Variants in RGSL1 observed in about 807,000 individuals in gnomAD.
RGSL1 encodes regulator of G protein signaling protein-like.
Under a neutral mutation model 124.7 loss-of-function variants are expected in RGSL1, and 97 were observed. That is an observed-to-expected ratio of 0.78 (90% CI 0.66 to 0.92). RGSL1 has a LOEUF of 0.92. RGSL1 is among the 40% of genes least tolerant of loss of function. The pLI is 0.00. For missense variants in RGSL1, 1,233 were observed against 1,288.4 expected (o/e 0.96, Z 0.66); for synonymous variants, 424 against 438.1 (o/e 0.97, Z 0.40).
intron 12 of RGSL1, 112 bp from the exon 13 acceptor site, chr1:182,530,678 C>A: frequency 8.1e-7 from 1 of 1,227,172 alleles, no homozygotes; most frequent in Non-Finnish European, 1.1e-6. Context: ...TTTTACTATT[C>A]CCCAATTACC....
intron 6 of RGSL1, among the ~76,000 whole-genome samples, chr1:182,480,460 G>GTTT (rs34766284): frequency 1.4e-5 from 2 of 142,240 alleles, no homozygotes; most frequent in African/African-American, 2.6e-5. Flanking sequence ...AACATTACAA[G>GTTT]TTTTTTTTTT....
chr1:182,483,453 A>G (rs1393630704), intron 6 of RGSL1, among the ~76,000 whole-genome samples: 1 of 152,156 alleles, frequency 6.6e-6, no homozygotes, highest in African/African-American at 2.4e-5. Context: ...TAATTTTAAA[A>G]ATACATACTT....
At chr1:182,530,206 T>G in intron 11 of RGSL1, 38 bp from the exon 12 acceptor site, 2 of 1,447,604 alleles carry the variant, frequency 1.4e-6, no homozygotes, top group Non-Finnish European at 1.9e-6. Flanking sequence ...AAATGGTAGA[T>G]GAGGATTACA....
At chr1:182,453,822 G>A in intron 1 of RGSL1, 136 bp from the exon 2 acceptor site, 1 of 600,844 alleles carries the variant, frequency 1.7e-6, no homozygotes, top group Non-Finnish European at 3.0e-6. Flanking sequence ...CATGCAAATT[G>A]AATTGCATGA....
chr1:182,479,849 A>G (rs995832841), intron 6 of RGSL1, among the ~76,000 whole-genome samples: 1 of 152,216 alleles, frequency 6.6e-6, no homozygotes, highest in African/African-American at 2.4e-5. Context: ...AAATCAGATA[A>G]GATAGAATTT....
intron 9 of RGSL1, among the ~76,000 whole-genome samples, chr1:182,497,358 A>T (rs565747468): frequency 1.3e-5 from 2 of 148,204 alleles, no homozygotes; most frequent in Non-Finnish European, 3.0e-5. Flanking sequence ...CTCCTGATAT[A>T]AAAATATATA....
At chr1:182,476,431 AC>A (rs1269937540) in intron 6 of RGSL1, among the ~76,000 whole-genome samples, 1 of 152,048 alleles carries the variant, frequency 6.6e-6, no homozygotes, top group Non-Finnish European at 1.5e-5. Flanking sequence ...CTATTGGCAA[AC>A]CCTGTTGGCA....
intron 13 of RGSL1, among the ~76,000 whole-genome samples, chr1:182,531,704 A>G (rs774293830): frequency 6.6e-6 from 1 of 152,186 alleles, no homozygotes; most frequent in African/African-American, 2.4e-5. Flanking sequence ...ATAGACTACT[A>G]AAAAGATTAC....
intron 14 of RGSL1, among the ~76,000 whole-genome samples, chr1:182,535,358 T>C (rs762895634): frequency 3.9e-5 from 6 of 152,194 alleles, no homozygotes; most frequent in Non-Finnish European, 1.5e-5. Flanking sequence ...CTGATTTTCT[T>C]AAGCCAGAGT....
intron 2 of RGSL1, among the ~76,000 whole-genome samples, chr1:182,455,278 G>A (rs183707944): frequency 1.3e-5 from 2 of 152,118 alleles, no homozygotes; most frequent in East Asian, 3.9e-4. Flanking sequence ...AGGAGGAAAG[G>A]GTGCATAAAG....
chr1:182,456,997 A>C (rs1652387202), intron 2 of RGSL1, among the ~76,000 whole-genome samples: 1 of 152,090 alleles, frequency 6.6e-6, no homozygotes, highest in East Asian at 1.9e-4. Flanking sequence ...AAATATAAAA[A>C]TTAGCTAGGT....
At chr1:182,471,683 T>G (rs1653856954) in intron 4 of RGSL1, among the ~76,000 whole-genome samples, 1 of 152,088 alleles carries the variant, frequency 6.6e-6, no homozygotes, top group East Asian at 1.9e-4. Flanking sequence ...CATAAGTCCC[T>G]GCTTCACAAA....
chr1:182,498,169 T>A (rs1656069911), intron 9 of RGSL1, among the ~76,000 whole-genome samples: 1 of 151,896 alleles, frequency 6.6e-6, no homozygotes, highest in South Asian at 2.1e-4. Context: ...ATATGAACTC[T>A]TTTTTTTATT....
chr1:182,482,738 T>A (rs1052225946), intron 6 of RGSL1, among the ~76,000 whole-genome samples: 4 of 152,188 alleles, frequency 2.6e-5, no homozygotes, highest in Admixed American at 2.6e-4. Context: ...AAAAGTAGAA[T>A]CACCTTTTGA....
rs1659075496 is a variant in RGSL1, at chr1:182,530,327, C to T, written c.2209C>T (p.Gln737Ter). The T allele has an allele frequency of 2.6e-6, 4 of 1,550,822 alleles. No homozygotes were observed. The highest frequency in any genetic ancestry group is 3.5e-6 in the Non-Finnish European group (4 of 1,146,490). Residue 737 changes from glutamine (Q) to a stop codon, truncating the protein, a stop_gained, in exon 12 of 22, where the codon CAG becomes TAG. Coordinates refer to ENST00000294854, the MANE Select transcript of RGSL1 (RefSeq NM_001137669.2). LOFTEE classifies it high-confidence loss of function. ...HVTTSTLLTL[Q>*]GHVMKSIEEK... ...CACCACAAGCACACTGTTAACGCTC[C>T]AGGGACATGTTATGAAATCTATAGA...
Position 182,553,491 on chromosome 1 carries a change from G to A in RGSL1, c.3080G>A (p.Gly1027Asp). The A allele has an allele frequency of 1.3e-6, 2 of 1,552,024 alleles. No homozygotes were observed. Among genetic ancestry groups the A allele is most frequent in the South Asian group, 1.2e-5 (1 of 84,048 alleles). Residue 1027 changes from glycine to aspartate, a missense_variant, in exon 19 of 22, where the codon GGT becomes GAT. Physicochemically the swap from Gly to Asp is moderately conservative, Grantham distance 94. Coordinates refer to ENST00000294854, the MANE Select transcript of RGSL1 (RefSeq NM_001137669.2). ...ATCTTAAGGTTCACCTTGCTCAGAGGTATTGAGTGGTTGCAGCCTCAACGG... is the reference window on the plus strand; with the variant it reads ...ATCTTAAGGTTCACCTTGCTCAGAGATATTGAGTGGTTGCAGCCTCAACGG... ...NAILRFTLLR[G>D]IEWLQPQREA...
chr1:182,488,838 G>A, intron 7 of RGSL1, 142 bp from the exon 8 acceptor site: 2 of 632,108 alleles, frequency 3.2e-6, no homozygotes, highest in Admixed American at 3.1e-5. Context: ...GCATGTAAAG[G>A]AGCAATGGTT....
At chr1:182,536,133 C>T (rs1659520223) in intron 14 of RGSL1, among the ~76,000 whole-genome samples, 1 of 152,144 alleles carries the variant, frequency 6.6e-6, no homozygotes, top group South Asian at 2.1e-4. Flanking sequence ...ATATCAGTAA[C>T]TCATTCCTTT....
chr1:182,513,897 C>CTTT (rs35152167), intron 9 of RGSL1, among the ~76,000 whole-genome samples: 4 of 138,812 alleles, frequency 2.9e-5, no homozygotes, highest in Non-Finnish European at 4.6e-5. Context: ...CTCTCCCTAT[C>CTTT]TTTTTTTTTT....
Sources: allele counts gnomAD v4.1 joint callset (sites outside exome capture counted in the v4.1 genomes callset), GRCh38; gene constraint gnomAD v4.1.1; transcripts MANE v1.5; gene names NCBI Gene and HGNC (gene_info 2026-07-23, HGNC 2026-07-21).